AP2A1: variants seen among roughly 807,000 people sequenced by gnomAD.
AP2A1 encodes adaptor related protein complex 2 subunit alpha 1.
Under a neutral mutation model 107.3 loss-of-function variants are expected in AP2A1, and 21 were observed. The ratio of observed to expected loss-of-function variants is 0.20; its 90% CI spans 0.14 to 0.28. The LOEUF (loss-of-function observed/expected upper bound fraction) is 0.28, where lower values mean the gene tolerates loss of function less well. Ranked by LOEUF, AP2A1 falls within the 10% of genes least tolerant of loss-of-function variation. The pLI, the probability that AP2A1 is intolerant of heterozygous loss-of-function variation, is 1.00. For synonymous variants in AP2A1, 602 were observed against 564.8 expected, an observed-to-expected ratio of 1.07 and a Z score of -0.93; for missense variants, 873 against 1,307.7, an observed-to-expected ratio of 0.67 and a Z score of 5.13.
rs1278596448 is a variant in AP2A1 at position 49,801,902 on chromosome 19, G to C, written c.1953+13G>C. 1.4e-6 allele frequency: 2 copies of C among 1,469,084 alleles called. No homozygotes were observed. The highest frequency in any genetic ancestry group is 1.8e-6 in the Non-Finnish European group (2 of 1,114,392). The allele number at this position is 1,469,084 out of a possible 1,614,324, so 91.0% of individuals were successfully genotyped here. On this transcript the variant is annotated intron_variant, in intron 14 of 22. Transcript: ENST00000354293. Reference sequence around the variant, plus strand: ...CCCCAGCACTGTGGTGAGTCCCCTGGGGTGGGCCCTGCCAGGGTGCCTGGG... The same window carrying C: ...CCCCAGCACTGTGGTGAGTCCCCTGCGGTGGGCCCTGCCAGGGTGCCTGGG...
Position 49,801,106 on chromosome 19 carries a change from G to T in AP2A1, c.1553+48G>T, listed in dbSNP as rs1294178468. On this transcript the variant is annotated intron_variant, in intron 12 of 22. Transcript: ENST00000354293. ...GGGAGAACACACATGCTTCTGAGGG[G>T]TCCAGGGCTTGGGGGATCCCCAGGG... 7.9e-6 allele frequency: 12 copies of T among 1,520,562 alleles called. No homozygotes were observed. In the East Asian group the frequency reaches 2.6e-4, roughly 33 times the overall value. The allele number at this position is 1,520,562 out of a possible 1,614,324, so 94.2% of individuals were successfully genotyped here. A position where few individuals can be genotyped will look rare whatever the true frequency, so the allele number is the denominator to read the frequency against.
intron 2 of AP2A1, 50 bp from the exon 3 acceptor site, chr19:49,781,897 T>A (rs775906964): frequency 1.9e-6 from 3 of 1,593,180 alleles, no homozygotes; most frequent in Non-Finnish European, 2.6e-6. Context: ...TGACCTATCC[T>A]GTGACCCTTC....
chr19:49,799,833 CCTAAGT>C (rs2073255317), intron 10 of AP2A1, 67 bp downstream of exon 10: 2 of 1,573,792 alleles, frequency 1.3e-6, no homozygotes, highest in Non-Finnish European at 1.7e-6. Flanking sequence ...GGCCTGGATT[CCTAAGT>C]CTAAGGGAGG....
At chr19:49,770,908 A>G (rs2084549299) in intron 1 of AP2A1, among the ~76,000 whole-genome samples, 1 of 151,946 alleles carries the variant, frequency 6.6e-6, no homozygotes, top group Non-Finnish European at 1.5e-5. Context: ...CTGGAGTGCA[A>G]TGGGGTGATC....
chr19:49,791,799 A>G, intron 4 of AP2A1, 136 bp from the exon 5 acceptor site: 1 of 1,168,460 alleles, frequency 8.6e-7, no homozygotes, highest in Non-Finnish European at 1.2e-6. Flanking sequence ...GCCAGACTGG[A>G]TCCTGCGGCC....
chr19:49,794,326 C>T (rs1242219713), intron 6 of AP2A1, among the ~76,000 whole-genome samples: 10 of 148,560 alleles, frequency 6.7e-5, no homozygotes, highest in Admixed American at 2.0e-4. Flanking sequence ...AGCGATCTCT[C>T]GCCTCAGCCT....
In AP2A1 at chr19:49,799,441, G is replaced by A. The variant is rs751820374; in HGVS notation, c.1080G>A (p.Glu360=). The A allele has an allele frequency of 6.2e-7, 1 of 1,611,884 alleles. No individual in the cohort carries two copies. Among genetic ancestry groups the A allele is most frequent in the Non-Finnish European group, 8.5e-7 (1 of 1,179,360 alleles). The change falls in exon 9 of 23, where the codon GAG becomes GAA. Residue 360 remains glutamate (E), a synonymous_variant. Transcript: ENST00000354293. ...GCATGTGCACGCTGGCCAGCTCCGA[G>A]TTCTCCCATGAAGCCGTCAAGACGC... is the stretch of plus-strand genomic sequence containing the variant. ...LESMCTLASS[E]FSHEAVKTHI...
At chr19:49,803,905 C>T (rs535969063) in intron 18 of AP2A1, 1 of 159,230 alleles carries the variant, frequency 6.3e-6, no homozygotes, top group East Asian at 1.9e-4. Context: ...CTCTGGGCCT[C>T]CATTGCCACA....
rs753628352 is a variant in AP2A1, at chr19:49,793,047, T to C, written c.660T>C (p.Asp220=). 3.4e-5 allele frequency: 54 copies of C among 1,610,844 alleles called. No individual in the cohort carries two copies. Among genetic ancestry groups the C allele is most frequent in the Non-Finnish European group, 4.4e-5 (52 of 1,178,670 alleles). The change falls in exon 6 of 23, where the codon GAT becomes GAC. Residue 220 remains aspartate (D), a synonymous_variant. Coordinates refer to ENST00000354293, the MANE Select transcript of AP2A1 (RefSeq NM_130787.3). ...CCTGTCTCTGCAAGAAGAACCCAGA[T>C]GACTTCAAGACGTGCGTCTCTCTGG... is the stretch of plus-strand genomic sequence containing the variant. ...LITCLCKKNP[D]DFKTCVSLAV...
At chr19:49,771,037 A>C (rs1310147782) in intron 1 of AP2A1, among the ~76,000 whole-genome samples, 1 of 151,958 alleles carries the variant, frequency 6.6e-6, no homozygotes, top group Non-Finnish European at 1.5e-5. Flanking sequence ...CTTTTAGTAG[A>C]GACGGGGTTT....
chr19:49,784,681 C>G (rs1394024777), intron 4 of AP2A1, among the ~76,000 whole-genome samples: 1 of 152,000 alleles, frequency 6.6e-6, no homozygotes, highest in Non-Finnish European at 1.5e-5. Context: ...AGTTCAAGAT[C>G]AGCAACATAG....
At position 49,782,059 on chromosome 19, in the gene AP2A1, G is replaced by A; in HGVS notation, c.249G>A (p.Leu83=). The A allele has an allele frequency of 6.4e-7, 1 of 1,572,468 alleles. No homozygotes were observed. Among genetic ancestry groups the A allele is most frequent in the South Asian group, 1.2e-5 (1 of 86,050 alleles). ...GGCACATGGAGGCTGTGAATCTGTTGAGTTCCAATAAATACACAGAGAAGC... is the reference window on the plus strand; with the variant it reads ...GGCACATGGAGGCTGTGAATCTGTTAAGTTCCAATAAATACACAGAGAAGC... ...DFGHMEAVNL[L]SSNKYTEKQI... Residue 83 remains leucine (L), a synonymous_variant, in exon 3 of 23, where the codon TTG becomes TTA. Transcript: ENST00000354293.
chr19:49,799,899 C>G (rs965003478), intron 10 of AP2A1, 69 bp from the exon 11 acceptor site: 21 of 1,583,240 alleles, frequency 1.3e-5, no homozygotes, highest in Non-Finnish European at 1.7e-5. Context: ...CAGTGGTGAG[C>G]CCAGATCCAG....
Position 49,788,460 on chromosome 19 carries a change from G to C in AP2A1, c.474-3475G>C, listed in dbSNP as rs2073100984. 6.6e-6 allele frequency among the ~76,000 whole-genome samples: 1 copy of C among 152,212 alleles called. No individual in the cohort carries two copies. The highest frequency in any genetic ancestry group is 1.5e-5 in the Non-Finnish European group (1 of 68,050). On this transcript the variant is annotated intron_variant, in intron 4 of 22. Coordinates refer to ENST00000354293, the MANE Select transcript of AP2A1 (RefSeq NM_130787.3). The surrounding 1 kb of genome is among the most constrained non-coding windows in gnomAD (Gnocchi z 4.5). Reference sequence around the variant, plus strand: ...CGAGCGAGCTGTGCGGGAACACTTAGAGCAGAGTTTGGCCCAGAGTCAGGA... The same window carrying C: ...CGAGCGAGCTGTGCGGGAACACTTACAGCAGAGTTTGGCCCAGAGTCAGGA...
intron 11 of AP2A1, among the ~76,000 whole-genome samples, chr19:49,800,356 G>T (rs62129183): frequency 6.6e-6 from 1 of 152,168 alleles, no homozygotes; most frequent in Non-Finnish European, 1.5e-5. Context: ...GAGTCCCCAG[G>T]GCATGGGCAT....
In AP2A1 at chr19:49,801,053, C is replaced by T. The variant is rs765783603; in HGVS notation, c.1548C>T (p.Arg516=). The change falls in exon 12 of 23, where the codon CGC becomes CGT. Residue 516 remains arginine, a synonymous_variant. Transcript: ENST00000354293. ...GGAACCTGATTGCTGGGGACCCCCG[C>T]TCCAGGTGAGGGAGCCTCAGCCTGC... ...EFGNLIAGDP[R]SSPPVQFSLL... is the part of the protein sequence containing the mutation. 2.5e-6 allele frequency: 4 copies of T among 1,603,602 alleles called. No individual in the cohort carries two copies. The highest frequency in any genetic ancestry group is 3.4e-6 in the Non-Finnish European group (4 of 1,175,354).
At chr19:49,782,775 C>T in intron 4 of AP2A1, 51 bp downstream of exon 4, 2 of 1,522,420 alleles carry the variant, frequency 1.3e-6, no homozygotes, top group Non-Finnish European at 1.8e-6. Flanking sequence ...GTGATGAGTC[C>T]CAGCCAAGTG....
intron 6 of AP2A1, among the ~76,000 whole-genome samples, chr19:49,794,900 T>C (rs2073192531): frequency 6.6e-6 from 1 of 152,108 alleles, no homozygotes; most frequent in Admixed American, 6.5e-5. Flanking sequence ...TGATCTCAGG[T>C]GATCCACCCA....
At chr19:49,802,552 C>G in intron 15 of AP2A1, 4 of 1,606,638 alleles carry the variant, frequency 2.5e-6, no homozygotes, top group Non-Finnish European at 3.4e-6. Context: ...AGCCGCCTGC[C>G]CCCGAGAGCC....
Sources: gnomAD v4.1 joint callset for allele counts (sites outside exome capture counted in the v4.1 genomes callset) on GRCh38, gnomAD v4.1.1 for gene constraint, Gnocchi (gnomAD v3.1) non-coding constraint, MANE v1.5 for transcripts, NCBI Gene and HGNC (gene_info 2026-07-23, HGNC 2026-07-21) for gene names.